The following USP37 variants were observed in gnomAD, a reference collection of about 807,000 sequenced individuals.
USP37 encodes the protein ubiquitin carboxyl-terminal hydrolase 37.
USP37 carries 27 observed loss-of-function variants against 124.0 expected under a neutral mutation model. The ratio of observed to expected loss-of-function variants is 0.22; its 90% CI spans 0.16 to 0.30. The LOEUF is 0.30. Among genes scored for constraint, USP37 ranks in the 10% least tolerant of loss-of-function variants. The pLI is 1.00. For synonymous variants in USP37, 365 were observed against 388.0 expected, an observed-to-expected ratio of 0.94 and a Z score of 0.70; for missense variants, 889 against 1,140.4, an observed-to-expected ratio of 0.78 and a Z score of 3.17.
At chr2:218,488,610 C>G (rs1574872233) in intron 14 of USP37, among the ~76,000 whole-genome samples, 189 bp from the exon 15 acceptor site, 2 of 152,136 alleles carry the variant, frequency 1.3e-5, no homozygotes, top group African/African-American at 4.8e-5. Context: ...GATAAAACCT[C>G]AATTGCAAGT....
chr2:218,493,282 A>G (rs1177288948), intron 14 of USP37, among the ~76,000 whole-genome samples: 1 of 152,222 alleles, frequency 6.6e-6, no homozygotes, highest in Non-Finnish European at 1.5e-5. Flanking sequence ...ATGAAGCAAC[A>G]GAACCCTATC....
chr2:218,566,137 G>A (rs1036695423), intron 1 of USP37, among the ~76,000 whole-genome samples: 1 of 152,142 alleles, frequency 6.6e-6, no homozygotes, highest in African/African-American at 2.4e-5. Context: ...TTAAGACTTG[G>A]GGTAGAGGAT....
At chr2:218,498,369 A>G (rs923690605) in intron 11 of USP37, 2 of 354,030 alleles carry the variant, frequency 5.6e-6, no homozygotes, top group Admixed American at 9.4e-5. Flanking sequence ...ATTTCTAACA[A>G]GTTACTAGAT....
intron 1 of USP37, among the ~76,000 whole-genome samples, chr2:218,564,671 C>T (rs771548243): frequency 3.2e-4 from 48 of 152,154 alleles, no homozygotes; most frequent in Middle Eastern, 6.8e-3. Flanking sequence ...AGGTGGGGCA[C>T]GGGACAGGGA....
intron 4 of USP37, 103 bp downstream of exon 4, chr2:218,558,395 T>C: frequency 1.9e-6 from 2 of 1,027,230 alleles, no homozygotes; most frequent in South Asian, 2.5e-5. Flanking sequence ...GCAAGAAATA[T>C]TAATCTAGGA....
intron 10 of USP37, among the ~76,000 whole-genome samples, chr2:218,519,484 A>T (rs960533292): frequency 6.6e-6 from 1 of 152,066 alleles, no homozygotes; most frequent in African/African-American, 2.4e-5. Context: ...CCTAGCCTCT[A>T]TTGTCCTTCT....
chr2:218,514,913 A>G (rs932545768), intron 10 of USP37, among the ~76,000 whole-genome samples: 14 of 152,120 alleles, frequency 9.2e-5, no homozygotes, highest in Admixed American at 4.6e-4. Flanking sequence ...TTAATCCAAT[A>G]TTATCATTTC....
At chr2:218,508,105 C>T (rs1689774471) in intron 11 of USP37, among the ~76,000 whole-genome samples, 1 of 152,142 alleles carries the variant, frequency 6.6e-6, no homozygotes, top group African/African-American at 2.4e-5. Context: ...AAGAAGGTAA[C>T]TTAAAGGTGG....
intron 9 of USP37, among the ~76,000 whole-genome samples, chr2:218,531,151 A>G (rs1691299402): frequency 6.6e-6 from 1 of 152,224 alleles, no homozygotes; most frequent in Non-Finnish European, 1.5e-5. Context: ...GCCATCTAAG[A>G]GTTTCGTAGC....
At chr2:218,544,814 A>G (rs903290991) in intron 8 of USP37, among the ~76,000 whole-genome samples, 9 of 152,180 alleles carry the variant, frequency 5.9e-5, no homozygotes, top group African/African-American at 2.2e-4. Context: ...TCTATTTTAA[A>G]CAGAAATTTT....
chr2:218,459,924 A>T lies in USP37; in HGVS notation c.2528-19T>A. ...TTAAACTCTGAAGAATACAAAGACAAAATCTTATAAAAGTTCTTGGAATAG... is the reference window on the plus strand; with the variant it reads ...TTAAACTCTGAAGAATACAAAGACATAATCTTATAAAAGTTCTTGGAATAG... On this transcript the variant is annotated intron_variant, in intron 22 of 25. Coordinates refer to ENST00000258399, the MANE Select transcript of USP37 (RefSeq NM_020935.3). 6.3e-7 allele frequency: 1 copy of T among 1,593,724 alleles called. No individual in the cohort carries two copies. The highest frequency in any genetic ancestry group is 8.6e-7 in the Non-Finnish European group (1 of 1,163,860).
chr2:218,482,005 G>A, intron 17 of USP37, 65 bp downstream of exon 17: 1 of 1,478,112 alleles, frequency 6.8e-7, no homozygotes, highest in Non-Finnish European at 9.1e-7. Flanking sequence ...TCATTCTTTT[G>A]ATTAGATACT....
intron 11 of USP37, among the ~76,000 whole-genome samples, chr2:218,505,253 A>C (rs1689615777): frequency 6.6e-6 from 1 of 152,158 alleles, no homozygotes; most frequent in African/African-American, 2.4e-5. Flanking sequence ...TCCTGAGCTC[A>C]AGTGATCTGC....
chr2:218,476,873 T>C lies in USP37; in HGVS notation c.2010A>G (p.Leu670=). Residue 670 remains leucine, a synonymous_variant, in exon 19 of 26, where the codon TTA becomes TTG. Coordinates refer to ENST00000258399, the MANE Select transcript of USP37 (RefSeq NM_020935.3). ...GGTCTTCCTGCTGCTGTTCGTTGCC[T>C]AACATTTCACAAAGTCTCTGGCTGA... ...VALSQRLCEM[L]GNEQQQEDLE... 1 of 1,606,168 alleles carries C rather than the reference T, an allele frequency of 6.2e-7. No homozygotes were observed. Among genetic ancestry groups the C allele is most frequent in the Non-Finnish European group, 8.5e-7 (1 of 1,177,260 alleles).
intron 8 of USP37, among the ~76,000 whole-genome samples, chr2:218,544,270 C>A (rs1692171953): frequency 6.7e-6 from 1 of 149,392 alleles, no homozygotes; most frequent in African/African-American, 2.5e-5. Flanking sequence ...GTCCAAGCTA[C>A]ATGGGAGGCT....
chr2:218,531,950 T>G (rs904390966), intron 9 of USP37, among the ~76,000 whole-genome samples: 9 of 152,226 alleles, frequency 5.9e-5, no homozygotes, highest in African/African-American at 1.9e-4. Context: ...TCTCCTGAGA[T>G]GAAATCTAAT....
rs533301188 is a variant in USP37 at position 218,469,552 on chromosome 2, A to G, written c.2300-3376T>C. ...GTGACAGAATAATTTTTCTTAACCAATAATTTTGAACACTCAATGATTCAA... is the reference window on the plus strand; with the variant it reads ...GTGACAGAATAATTTTTCTTAACCAGTAATTTTGAACACTCAATGATTCAA... On this transcript the variant is annotated intron_variant, in intron 20 of 25. Transcript: ENST00000258399. Among the ~76,000 whole-genome samples, 5 of 152,304 alleles carry G rather than the reference A, an allele frequency of 3.3e-5. No individual in the cohort carries two copies. In the East Asian group the frequency reaches 9.6e-4, roughly 29 times the overall value.
intron 1 of USP37, among the ~76,000 whole-genome samples, chr2:218,565,294 T>G (rs1252187621): frequency 6.6e-6 from 1 of 152,226 alleles, no homozygotes; most frequent in African/African-American, 2.4e-5. Flanking sequence ...TTTATGGAAA[T>G]CTCATCTTCA....
At chr2:218,526,597 A>AT (rs147235668) in intron 10 of USP37, among the ~76,000 whole-genome samples, 3,156 of 152,042 alleles carry the variant, frequency 0.021, 52 homozygotes, top group Non-Finnish European at 0.031. Context: ...CAAAATGTGG[A>AT]TTTTTTAAAA....
Sources: allele counts gnomAD v4.1 joint callset (sites outside exome capture counted in the v4.1 genomes callset), GRCh38; gene constraint gnomAD v4.1.1; transcripts MANE v1.5; gene names NCBI Gene and HGNC (gene_info 2026-07-23, HGNC 2026-07-21).